The following CLIC5 variants were observed in gnomAD, a reference collection of about 807,000 sequenced individuals.
The protein encoded by CLIC5 is CLIC family member 5, also known as chloride intracellular channel protein 5.
CLIC5 carries 20 observed loss-of-function variants against 24.7 expected under a neutral mutation model. The ratio of observed to expected loss-of-function variants is 0.81; its 90% CI spans 0.57 to 1.18. The LOEUF is 1.18. CLIC5 is among the 50% of genes most tolerant of loss of function. The probability of loss-of-function intolerance (pLI) is 0.00; values close to 1 mark genes in which losing one functional copy is unlikely to be tolerated. For synonymous variants in CLIC5, 159 were observed against 135.6 expected (o/e 1.17, Z -1.20); for missense variants, 341 against 326.1 (o/e 1.05, Z -0.35).
At chr6:45,996,632 A>G (rs1460025909) in intron 1 of CLIC5, among the ~76,000 whole-genome samples, 1 of 152,230 alleles carries the variant, frequency 6.6e-6, no homozygotes, top group Non-Finnish European at 1.5e-5. Flanking sequence ...GTTTTAATCT[A>G]CAATGAACTC....
chr6:46,100,963 G>A, the CLIC5 span, among the ~76,000 whole-genome samples: 1 of 152,178 alleles, frequency 6.6e-6, no homozygotes, highest in Non-Finnish European at 1.5e-5. Flanking sequence ...AAAATCAGGT[G>A]ATGGTGGCAG....
intron 1 of CLIC5, among the ~76,000 whole-genome samples, chr6:46,021,049 A>G (rs1036255983): frequency 7.1e-4 from 105 of 146,918 alleles, no homozygotes; most frequent in African/African-American, 2.5e-3. Flanking sequence ...GAGGAAGTGA[A>G]GGACTTGTAT....
At chr6:46,121,501 T>C in the CLIC5 span, among the ~76,000 whole-genome samples, 1 of 152,172 alleles carries the variant, frequency 6.6e-6, no homozygotes, top group Non-Finnish European at 1.5e-5. Flanking sequence ...AGCCCATTGA[T>C]GCTAGGAAGA....
chr6:45,887,092 G>T (rs1762311420), intron 6 of CLIC5, among the ~76,000 whole-genome samples: 1 of 152,174 alleles, frequency 6.6e-6, no homozygotes, highest in Non-Finnish European at 1.5e-5. Context: ...CATTTTGTCT[G>T]GGAATATGTG....
At chr6:45,974,939 A>G (rs908111812) in intron 1 of CLIC5, among the ~76,000 whole-genome samples, 1 of 152,178 alleles carries the variant, frequency 6.6e-6, no homozygotes, top group Non-Finnish European at 1.5e-5. Flanking sequence ...CTCAAAGTGA[A>G]TTTCCACAAA....
intron 6 of CLIC5, among the ~76,000 whole-genome samples, chr6:45,889,231 G>GT (rs36006024): frequency 0.52 from 79,265 of 151,904 alleles, 21,474 homozygotes; most frequent in African/African-American, 0.67. Flanking sequence ...ATTATTTCTG[G>GT]TTGCAGACAG....
intron 1 of CLIC5, among the ~76,000 whole-genome samples, chr6:45,973,731 G>A (rs767863595): frequency 2.0e-5 from 3 of 152,168 alleles, no homozygotes; most frequent in Non-Finnish European, 4.4e-5. Flanking sequence ...GAGATCAAGA[G>A]ATTGAGACCA....
intron 6 of CLIC5, among the ~76,000 whole-genome samples, chr6:45,883,364 T>C (rs1762278770): frequency 6.6e-6 from 1 of 152,176 alleles, no homozygotes; most frequent in Non-Finnish European, 1.5e-5. Flanking sequence ...GCCATTCCGA[T>C]AATAAACCTT....
At chr6:45,985,515 A>G (rs542625955) in intron 1 of CLIC5, among the ~76,000 whole-genome samples, 4 of 152,192 alleles carry the variant, frequency 2.6e-5, no homozygotes, top group Admixed American at 2.0e-4. Context: ...CTCCTTTCTT[A>G]GCAGCTGGGT....
At chr6:45,883,038 G>A (rs1762276268) in intron 6 of CLIC5, among the ~76,000 whole-genome samples, 1 of 152,220 alleles carries the variant, frequency 6.6e-6, no homozygotes, top group Non-Finnish European at 1.5e-5. Context: ...GCCACAGAGT[G>A]GGATGGAGAT....
chr6:46,020,504 A>AT (rs1161674716), upstream of CLIC5, among the ~76,000 whole-genome samples: 1 of 152,078 alleles, frequency 6.6e-6, no homozygotes, highest in Non-Finnish European at 1.5e-5. Context: ...CTAGGCTTCC[A>AT]TTTTATGGAA....
chr6:46,002,260 T>C (rs1168889910), intron 1 of CLIC5, among the ~76,000 whole-genome samples: 1 of 152,244 alleles, frequency 6.6e-6, no homozygotes, highest in African/African-American at 2.4e-5. Flanking sequence ...TTGTTGTTGT[T>C]GTTGGACTCT....
intron 5 of CLIC5, chr6:45,912,554 C>A: frequency 7.2e-7 from 1 of 1,393,696 alleles, no homozygotes; most frequent in Non-Finnish European, 9.5e-7. Flanking sequence ...GAATACAATC[C>A]ACTTCTGTTC....
At chr6:46,069,379 T>C (rs1762526972) in intron 1 of CLIC5, among the ~76,000 whole-genome samples, 1 of 151,922 alleles carries the variant, frequency 6.6e-6, no homozygotes, top group Non-Finnish European at 1.5e-5. Flanking sequence ...AAAAGGGATA[T>C]TATCACTGAC....
chr6:46,104,868 C>A, the CLIC5 span, among the ~76,000 whole-genome samples: 1 of 152,150 alleles, frequency 6.6e-6, no homozygotes, highest in Non-Finnish European at 1.5e-5. Flanking sequence ...CTGCTTTGGA[C>A]CCTTTGCAGG....
intron 1 of CLIC5, among the ~76,000 whole-genome samples, chr6:45,961,640 T>C (rs910806716): frequency 1.3e-5 from 2 of 152,152 alleles, no homozygotes; most frequent in African/African-American, 4.8e-5. Context: ...ACAACATTTC[T>C]AGTTGTGACT....
chr6:45,930,379 G>A (rs575444113), intron 4 of CLIC5, among the ~76,000 whole-genome samples: 104 of 152,272 alleles, frequency 6.8e-4, no homozygotes, highest in Non-Finnish European at 1.2e-3. Context: ...ATTGGGAGGG[G>A]CAGCCAGGGA....
At chr6:46,043,842 G>C (rs1767883608) in intron 1 of CLIC5, among the ~76,000 whole-genome samples, 2 of 152,240 alleles carry the variant, frequency 1.3e-5, no homozygotes, top group Non-Finnish European at 2.9e-5. Flanking sequence ...GGAGCTCTCT[G>C]TATCTAACTT....
At chr6:45,939,357 G>T (rs1174918900) in intron 4 of CLIC5, among the ~76,000 whole-genome samples, 1 of 151,732 alleles carries the variant, frequency 6.6e-6, no homozygotes, top group Non-Finnish European at 1.5e-5. Flanking sequence ...GGGACTACAG[G>T]CATGTGCCAT....
Sources: gnomAD v4.1 joint callset for allele counts (sites outside exome capture counted in the v4.1 genomes callset) on GRCh38, gnomAD v4.1.1 for gene constraint, MANE v1.5 for transcripts, NCBI Gene and HGNC (gene_info 2026-07-23, HGNC 2026-07-21) for gene names.